SAMD12: variants seen among roughly 807,000 people sequenced by gnomAD.
SAMD12 encodes sterile alpha motif domain containing 12.
A neutral mutation model predicts 15.0 loss-of-function variants in SAMD12; 9 were observed. That is an observed-to-expected ratio of 0.60 (90% CI 0.36 to 1.05). The LOEUF (loss-of-function observed/expected upper bound fraction) is 1.05. Ranked by LOEUF, SAMD12 falls within the 50% of genes least tolerant of loss-of-function variation. SAMD12 has a pLI of 0.01. For missense variants in SAMD12, 230 were observed against 234.2 expected, an observed-to-expected ratio of 0.98 and a Z score of 0.12; for synonymous variants, 86 against 90.1, an observed-to-expected ratio of 0.96 and a Z score of 0.25.
At chr8:118,360,109 C>T (rs1355032589) in intron 4 of SAMD12, among the ~76,000 whole-genome samples, 2 of 152,166 alleles carry the variant, frequency 1.3e-5, no homozygotes, top group Admixed American at 6.5e-5. Context: ...TTTATCAATA[C>T]ACAAAGAAGT....
intron 1 of SAMD12, among the ~76,000 whole-genome samples, chr8:118,605,482 G>C (rs1436606808): frequency 6.6e-6 from 1 of 152,130 alleles, no homozygotes; most frequent in African/African-American, 2.4e-5. Context: ...GTATGTCAGA[G>C]TAGCAGGCTT....
At chr8:118,289,050 C>A (rs1262545149) in intron 4 of SAMD12, among the ~76,000 whole-genome samples, 1 of 152,206 alleles carries the variant, frequency 6.6e-6, no homozygotes, top group African/African-American at 2.4e-5. Context: ...CTGGTAGCTT[C>A]AATTTTGTTT....
chr8:118,447,894 T>C (rs566038280), intron 2 of SAMD12, among the ~76,000 whole-genome samples: 3,624 of 150,678 alleles, frequency 0.024, 127 homozygotes, highest in African/African-American at 0.083. Flanking sequence ...CGTGGCTAAT[T>C]TTTTTTTGTA....
chr8:118,619,916 CA>C (rs1828348310), intron 1 of SAMD12, among the ~76,000 whole-genome samples: 1 of 152,072 alleles, frequency 6.6e-6, no homozygotes, highest in African/African-American at 2.4e-5. Flanking sequence ...TTGCAAAGAC[CA>C]AAGATAGGAA....
At chr8:118,591,529 T>C (rs532385599) in intron 1 of SAMD12, among the ~76,000 whole-genome samples, 2 of 152,228 alleles carry the variant, frequency 1.3e-5, no homozygotes, top group East Asian at 3.9e-4. Flanking sequence ...TACATCACAG[T>C]AGACAAATAT....
At chr8:118,474,213 G>A (rs3897876) in intron 2 of SAMD12, among the ~76,000 whole-genome samples, 3,366 of 151,980 alleles carry the variant, frequency 0.022, 118 homozygotes, top group African/African-American at 0.077. Context: ...CTCCCACCTC[G>A]GCCTCCCAAA....
chr8:118,207,493 T>C (rs918355230), intron 4 of SAMD12, among the ~76,000 whole-genome samples: 10 of 152,118 alleles, frequency 6.6e-5, no homozygotes, highest in Non-Finnish European at 1.3e-4. Flanking sequence ...CAAAACAGCA[T>C]AAAAATGTAC....
chr8:118,480,892 C>T (rs1156470773), intron 2 of SAMD12, among the ~76,000 whole-genome samples: 1 of 152,186 alleles, frequency 6.6e-6, no homozygotes, highest in African/African-American at 2.4e-5. Context: ...TTCTCAACCT[C>T]TTCTCCATTG....
At chr8:118,535,537 C>G (rs183283688) in intron 2 of SAMD12, among the ~76,000 whole-genome samples, 5 of 152,218 alleles carry the variant, frequency 3.3e-5, no homozygotes, top group African/African-American at 1.2e-4. Context: ...CTATGCCCTG[C>G]CCCCAGAGGT....
chr8:118,548,878 C>A (rs1009855164), intron 2 of SAMD12, among the ~76,000 whole-genome samples: 1 of 152,274 alleles, frequency 6.6e-6, no homozygotes. Flanking sequence ...AGATTATATC[C>A]CGCACCTGGC....
intron 2 of SAMD12, among the ~76,000 whole-genome samples, chr8:118,446,541 A>G (rs1276082906): frequency 2.0e-5 from 3 of 152,166 alleles, no homozygotes; most frequent in African/African-American, 7.2e-5. Flanking sequence ...TTTTTGAGCT[A>G]CATAAAATTT....
intron 3 of SAMD12, among the ~76,000 whole-genome samples, chr8:118,398,909 G>A (rs556981341): frequency 1.9e-4 from 29 of 152,032 alleles, no homozygotes; most frequent in African/African-American, 6.8e-4. Context: ...TTTGAGACAG[G>A]GTCTCACTCT....
chr8:118,581,671 G>C (rs569012392), intron 1 of SAMD12, among the ~76,000 whole-genome samples: 1 of 152,204 alleles, frequency 6.6e-6, no homozygotes, highest in East Asian at 1.9e-4. Context: ...CGCTTACTGA[G>C]CCCCCCTATG....
chr8:118,179,771 C>A, the SAMD12 span, among the ~76,000 whole-genome samples: 4 of 152,134 alleles, frequency 2.6e-5, no homozygotes, highest in East Asian at 1.9e-4. Context: ...CTGACTTATG[C>A]ACATACGGGA....
intron 1 of SAMD12, among the ~76,000 whole-genome samples, chr8:118,600,909 T>C (rs1827848393): frequency 6.6e-6 from 1 of 152,188 alleles, no homozygotes; most frequent in South Asian, 2.1e-4. Flanking sequence ...ATAGAGAATT[T>C]ATTCAAGCCA....
chr8:118,144,478 T>C, the SAMD12 span, among the ~76,000 whole-genome samples: 1 of 152,190 alleles, frequency 6.6e-6, no homozygotes, highest in Non-Finnish European at 1.5e-5. Context: ...TGGGACATAG[T>C]AGACATTTAA....
chr8:118,546,740 A>G (rs2131164889), intron 2 of SAMD12, among the ~76,000 whole-genome samples: 1 of 152,272 alleles, frequency 6.6e-6, no homozygotes, highest in Admixed American at 6.5e-5. Flanking sequence ...TTATTATTCA[A>G]GGTGATGATG....
At chr8:118,534,102 AGT>A (rs1431943573) in intron 2 of SAMD12, among the ~76,000 whole-genome samples, 9 of 152,100 alleles carry the variant, frequency 5.9e-5, no homozygotes, top group African/African-American at 2.2e-4. Context: ...TTCCATGTTT[AGT>A]GTTTCCTTCA....
chr8:118,351,064 G>A (rs1817941055), intron 4 of SAMD12, among the ~76,000 whole-genome samples: 1 of 152,180 alleles, frequency 6.6e-6, no homozygotes, highest in Non-Finnish European at 1.5e-5. Context: ...TGGGACATGA[G>A]TCTCCAAAAT....
Sources: allele counts gnomAD v4.1 joint callset (sites outside exome capture counted in the v4.1 genomes callset), GRCh38; gene constraint gnomAD v4.1.1; transcripts MANE v1.5; gene names NCBI Gene and HGNC (gene_info 2026-07-23, HGNC 2026-07-21).